GINS1: variants seen among roughly 807,000 people sequenced by gnomAD.
GINS1 encodes DNA replication complex GINS protein PSF1.
A neutral mutation model predicts 34.9 loss-of-function variants in GINS1; 26 were observed. The ratio of observed to expected loss-of-function variants is 0.74; its 90% CI spans 0.55 to 1.03. GINS1 has a LOEUF of 1.03. GINS1 is among the 50% of genes least tolerant of loss of function. GINS1 has a pLI of 0.00. For missense variants in GINS1, 235 were observed against 237.9 expected, an observed-to-expected ratio of 0.99 and a Z score of 0.08; for synonymous variants, 97 against 84.4, an observed-to-expected ratio of 1.15 and a Z score of -0.82.
intron 5 of GINS1, among the ~76,000 whole-genome samples, chr20:25,432,395 C>G (rs1255577109): frequency 6.6e-6 from 1 of 151,960 alleles, no homozygotes; most frequent in Non-Finnish European, 1.5e-5. Context: ...CTCCGCCTCC[C>G]GAGTTCAAAT....
At chr20:25,439,860 T>C (rs867854087) in intron 5 of GINS1, among the ~76,000 whole-genome samples, 4 of 151,766 alleles carry the variant, frequency 2.6e-5, no homozygotes, top group Non-Finnish European at 5.9e-5. Context: ...TTGGGCGTGG[T>C]GGCTCCCTCC....
Position 25,417,846 on chromosome 20 carries a change from C to T in GINS1, c.240-259C>T, listed in dbSNP as rs1338032055. 2.0e-5 allele frequency among the ~76,000 whole-genome samples: 3 copies of T among 152,196 alleles called. No individual in the cohort carries two copies. In the East Asian group the frequency reaches 5.8e-4, roughly 29 times the overall value. On this transcript the variant is annotated intron_variant, in intron 3 of 6. Transcript: ENST00000262460. ...TCCAGGCTGGGTGACAAGAGCAAAA[C>T]TCTGTCTCAAACAAAAAAAGGCGGG...
chr20:25,444,380 A>G (rs1464791442), intron 6 of GINS1, among the ~76,000 whole-genome samples: 2 of 152,218 alleles, frequency 1.3e-5, no homozygotes, highest in Admixed American at 6.5e-5. Flanking sequence ...CTTTTTATCC[A>G]GAAATCAATA....
chr20:25,435,979 A>ATTT (rs71183401), intron 5 of GINS1, among the ~76,000 whole-genome samples: 2 of 138,430 alleles, frequency 1.4e-5, no homozygotes, highest in African/African-American at 2.6e-5. Context: ...TGCCCAGCTA[A>ATTT]TTTTTTTTTT....
intron 6 of GINS1, among the ~76,000 whole-genome samples, chr20:25,443,344 C>T (rs2090493077): frequency 6.6e-6 from 1 of 152,124 alleles, no homozygotes; most frequent in Non-Finnish European, 1.5e-5. Context: ...TGAATTAATG[C>T]TCTGATAAGC....
At chr20:25,445,804 A>G (rs926230607) in intron 6 of GINS1, 119 bp from the exon 7 acceptor site, 3 of 661,924 alleles carry the variant, frequency 4.5e-6, no homozygotes, top group African/African-American at 3.6e-5. Context: ...ACTTTCAACT[A>G]CTTACTTGTT....
rs2090254353 is a variant in GINS1 at position 25,407,729 on chromosome 20, A to G, written c.-92A>G. 1 of 974,788 alleles carries G rather than the reference A, an allele frequency of 1.0e-6. No homozygotes were observed. Among genetic ancestry groups the G allele is most frequent in the Non-Finnish European group, 1.6e-6 (1 of 614,726 alleles). 60.4% of individuals were successfully genotyped at this position (974,788 alleles called of 1,614,324 possible). ...GGCGAGAGCCTGGCGCTGTAGGACT[A>G]GAACGAAAGGAGTGAGGCGCCGAGA... On this transcript the variant is annotated 5_prime_UTR_variant, in exon 1 of 7. Transcript: ENST00000262460.
intron 5 of GINS1, among the ~76,000 whole-genome samples, chr20:25,434,086 C>A (rs2090441060): frequency 6.6e-6 from 1 of 151,746 alleles, no homozygotes; most frequent in Admixed American, 6.6e-5. Flanking sequence ...AAATTTGAGA[C>A]CAGCCTGGGC....
At chr20:25,420,964 G>A (rs2090351867) in intron 4 of GINS1, 1 of 984,422 alleles carries the variant, frequency 1.0e-6, no homozygotes, top group Non-Finnish European at 1.2e-6. Flanking sequence ...AGCCATTTTG[G>A]ACCAGTAACA....
intron 4 of GINS1, chr20:25,420,895 A>C (rs1333066150): frequency 1.0e-6 from 1 of 976,604 alleles, no homozygotes; most frequent in African/African-American, 1.8e-5. Flanking sequence ...AATACAGATA[A>C]ACTCTGTAGT....
chr20:25,409,818 C>T (rs1320581337), intron 1 of GINS1, among the ~76,000 whole-genome samples: 2 of 152,134 alleles, frequency 1.3e-5, no homozygotes, highest in Non-Finnish European at 2.9e-5. Flanking sequence ...AGTAGAGATG[C>T]TTGAATGCAG....
At chr20:25,408,684 G>C (rs1393387731) in intron 1 of GINS1, among the ~76,000 whole-genome samples, 2 of 152,082 alleles carry the variant, frequency 1.3e-5, no homozygotes, top group Non-Finnish European at 2.9e-5. Flanking sequence ...GGGAGACCCT[G>C]TCCCAAACAA....
chr20:25,446,586 T>C lies in GINS1; in HGVS notation c.*595T>C, dbSNP rs1180309814. On this transcript the variant is annotated 3_prime_UTR_variant, in exon 7 of 7. Transcript: ENST00000262460. ...AAGTGAAGATGATGGTCTGTAGAAA[T>C]TTTCAGTATATATAATGTTTAATGA... 6.6e-6 allele frequency: 1 copy of C among 152,220 alleles called. No individual in the cohort carries two copies. Among genetic ancestry groups the C allele is most frequent in the South Asian group, 2.1e-4 (1 of 4,834 alleles). The allele number at this position is 152,220 out of a possible 1,614,324, so 9.4% of individuals were successfully genotyped here. A position where few individuals can be genotyped will look rare whatever the true frequency, so the allele number is the denominator to read the frequency against.
At chr20:25,426,399 A>G (rs750202546) in intron 5 of GINS1, among the ~76,000 whole-genome samples, 3 of 152,042 alleles carry the variant, frequency 2.0e-5, no homozygotes, top group Non-Finnish European at 2.9e-5. Context: ...CCCCGTCTCT[A>G]CTAAAAATAC....
rs1332093493 is a variant in GINS1 at position 25,419,597 on chromosome 20, C to CA, written c.330+1403dup. ...TTACTGTGTATTATGGTGAGATGAA[C>CA]AGAACATTATGTTTCTCTAACGACA... is the stretch of plus-strand genomic sequence containing the variant. On this transcript the variant is annotated intron_variant, in intron 4 of 6. Transcript: ENST00000262460. 5.3e-6 allele frequency: 4 copies of CA among 761,300 alleles called. No homozygotes were observed. In the African/African-American group the frequency reaches 7.8e-5, roughly 15 times the overall value. 47.2% of individuals were successfully genotyped at this position (761,300 alleles called of 1,614,324 possible). A position where few individuals can be genotyped will look rare whatever the true frequency, so the allele number is the denominator to read the frequency against.
At chr20:25,445,213 A>G (rs1016780692) in intron 6 of GINS1, among the ~76,000 whole-genome samples, 1 of 151,404 alleles carries the variant, frequency 6.6e-6, no homozygotes, top group Non-Finnish European at 1.5e-5. Flanking sequence ...TTTTTTTTTG[A>G]GATGGAGTTT....
chr20:25,445,913 G>A lies in GINS1; in HGVS notation c.523-10G>A, dbSNP rs765704636. 1 of 1,558,486 alleles carries A rather than the reference G, an allele frequency of 6.4e-7. No individual in the cohort carries two copies. Among genetic ancestry groups the A allele is most frequent in the Non-Finnish European group, 8.8e-7 (1 of 1,133,970 alleles). On this transcript the variant is annotated splice_polypyrimidine_tract_variant and intron_variant, in intron 6 of 6. Transcript: ENST00000262460. ...TTTTACTCTTTCTCCATCCCTTCTTGTCCCCTCAGCACTTTTTACCTCGAT... is the reference window on the plus strand; with the variant it reads ...TTTTACTCTTTCTCCATCCCTTCTTATCCCCTCAGCACTTTTTACCTCGAT...
rs144778615 is a variant in GINS1, at chr20:25,413,930, G to T, written c.140+76G>T. On this transcript the variant is annotated intron_variant, in intron 2 of 6. Coordinates refer to ENST00000262460, the MANE Select transcript of GINS1 (RefSeq NM_021067.5). ...AAATTGGCCGGGCGCGGTGGCTCACGCCTGTAATCCCAGCACTTTGGGAGG... is the reference window on the plus strand; with the variant it reads ...AAATTGGCCGGGCGCGGTGGCTCACTCCTGTAATCCCAGCACTTTGGGAGG... The T allele has an allele frequency of 1.1e-3, 911 of 838,764 alleles. 2 individuals are homozygous for T. The African/African-American group carries it at 0.012, about 11-fold the overall frequency. 52.0% of individuals were successfully genotyped at this position (838,764 alleles called of 1,614,324 possible).
At chr20:25,437,845 A>G (rs962848971) in intron 5 of GINS1, among the ~76,000 whole-genome samples, 5 of 152,184 alleles carry the variant, frequency 3.3e-5, no homozygotes, top group Admixed American at 6.5e-5. Flanking sequence ...GGGGCCGGGC[A>G]CAGTGGCTTA....
Sources: allele counts gnomAD v4.1 joint callset (sites outside exome capture counted in the v4.1 genomes callset), GRCh38; gene constraint gnomAD v4.1.1; transcripts MANE v1.5; gene names NCBI Gene and HGNC (gene_info 2026-07-23, HGNC 2026-07-21).